The following MCPH1 variants were observed in gnomAD, a reference collection of about 807,000 sequenced individuals.
The protein encoded by MCPH1 is microcephalin.
Under a neutral mutation model 84.5 loss-of-function variants are expected in MCPH1, and 104 were observed. That is an observed-to-expected ratio of 1.23 (90% CI 1.05 to 1.45). The LOEUF (loss-of-function observed/expected upper bound fraction) is 1.45, where lower values mean the gene tolerates loss of function less well. MCPH1 is among the 40% of genes most tolerant of loss of function. The probability of loss-of-function intolerance (pLI) is 0.00; values close to 1 mark genes in which losing one functional copy is unlikely to be tolerated. For synonymous variants in MCPH1, 514 were observed against 366.8 expected, an observed-to-expected ratio of 1.40 and a Z score of -4.58; for missense variants, 1,498 against 1,005.7, an observed-to-expected ratio of 1.49 and a Z score of -6.62.
intron 12 of MCPH1, among the ~76,000 whole-genome samples, chr8:6,581,213 A>C (rs1827540349): frequency 6.6e-6 from 1 of 152,168 alleles, no homozygotes; most frequent in Admixed American, 6.5e-5. Flanking sequence ...TTCATAACCC[A>C]TTTCTGCCTA....
chr8:6,434,479 T>A (rs1251853763), intron 4 of MCPH1, among the ~76,000 whole-genome samples: 1 of 152,232 alleles, frequency 6.6e-6, no homozygotes, highest in Non-Finnish European at 1.5e-5. Context: ...GTGAAAGCAG[T>A]GCAGGCCGGT....
At chr8:6,447,004 G>GC (rs1804491921) in intron 8 of MCPH1, 1 of 54,512 alleles carries the variant, frequency 1.8e-5, no homozygotes, top group African/African-American at 3.9e-5. Flanking sequence ...AGGCCATCAG[G>GC]CAGGGGTGTC....
chr8:6,510,001 T>C (rs1451618323), intron 12 of MCPH1, among the ~76,000 whole-genome samples: 1 of 152,182 alleles, frequency 6.6e-6, no homozygotes, highest in Non-Finnish European at 1.5e-5. Flanking sequence ...TAGTTTCTGC[T>C]GAATGCGTAT....
chr8:6,473,320 CTTTTTTTTTTTT>C (rs56077837), intron 9 of MCPH1, among the ~76,000 whole-genome samples: 3 of 76,396 alleles, frequency 3.9e-5, no homozygotes, highest in African/African-American at 1.6e-4. Context: ...TCTCTCAATC[CTTTTTTTTTTTT>C]TTTTTTTTTT....
chr8:6,468,164 A>G (rs970390678), intron 9 of MCPH1, among the ~76,000 whole-genome samples: 1 of 152,130 alleles, frequency 6.6e-6, no homozygotes, highest in Non-Finnish European at 1.5e-5. Context: ...TGCAGATAAG[A>G]GTGCACCCTG....
chr8:6,425,256 TAG>T (rs1348256722), intron 3 of MCPH1, among the ~76,000 whole-genome samples: 2 of 152,252 alleles, frequency 1.3e-5, no homozygotes, highest in Non-Finnish European at 2.9e-5. Flanking sequence ...GTTCTCTGTT[TAG>T]AGACATCTCT....
chr8:6,467,376 A>G (rs1026303076), intron 9 of MCPH1, among the ~76,000 whole-genome samples: 3 of 152,170 alleles, frequency 2.0e-5, no homozygotes, highest in Non-Finnish European at 2.9e-5. Flanking sequence ...TTTTCATTTT[A>G]AAGTATATTT....
intron 9 of MCPH1, among the ~76,000 whole-genome samples, chr8:6,468,178 G>T (rs1186560197): frequency 6.6e-6 from 1 of 152,204 alleles, no homozygotes; most frequent in East Asian, 1.9e-4. Context: ...CACCCTGCCT[G>T]CACCTCACGG....
chr8:6,517,252 T>C (rs2515432), intron 12 of MCPH1, among the ~76,000 whole-genome samples: 80,383 of 152,010 alleles, frequency 0.53, 22,129 homozygotes, highest in African/African-American at 0.67. Context: ...CACTGGTGCA[T>C]GGTGCAGGAA....
chr8:6,479,121 C>T (rs1808849979), intron 10 of MCPH1, among the ~76,000 whole-genome samples: 2 of 151,994 alleles, frequency 1.3e-5, no homozygotes, highest in Non-Finnish European at 2.9e-5. Context: ...CAAAAGTTAG[C>T]CAGACTTGGT....
intron 13 of MCPH1, among the ~76,000 whole-genome samples, chr8:6,623,801 T>G (rs1367920617): frequency 6.6e-6 from 1 of 151,494 alleles, no homozygotes; most frequent in African/African-American, 2.4e-5. Flanking sequence ...CAAAACATCC[T>G]ATGTTCTGAA....
intron 12 of MCPH1, among the ~76,000 whole-genome samples, chr8:6,505,294 CAT>C (rs1290792850): frequency 8.2e-5 from 3 of 36,792 alleles, no homozygotes; most frequent in Admixed American, 3.4e-4. Flanking sequence ...ATGTTATATA[CAT>C]ATATATGTAT....
At chr8:6,493,527 G>C (rs1157384586) in intron 11 of MCPH1, among the ~76,000 whole-genome samples, 2 of 152,110 alleles carry the variant, frequency 1.3e-5, no homozygotes, top group Non-Finnish European at 1.5e-5. Flanking sequence ...GGTTGAATAG[G>C]CTGTGTTAGA....
intron 12 of MCPH1, chr8:6,513,585 G>A (rs571955053): frequency 4.0e-5 from 39 of 968,950 alleles, no homozygotes; most frequent in East Asian, 2.2e-4. Flanking sequence ...TGCCCACCTC[G>A]GCCTCCCAAA....
At chr8:6,512,014 A>G (rs376545250) in intron 12 of MCPH1, among the ~76,000 whole-genome samples, 9 of 151,832 alleles carry the variant, frequency 5.9e-5, no homozygotes, top group African/African-American at 1.9e-4. Flanking sequence ...AATTCATTGA[A>G]GTTTTGATCT....
chr8:6,555,842 G>A (rs111649785), intron 12 of MCPH1, among the ~76,000 whole-genome samples: 13 of 152,276 alleles, frequency 8.5e-5, no homozygotes, highest in African/African-American at 3.1e-4. Context: ...ATTACAAGGT[G>A]GAATTTCTTA....
At chr8:6,497,992 G>T in intron 11 of MCPH1, among the ~76,000 whole-genome samples, 1 of 152,132 alleles carries the variant, frequency 6.6e-6, no homozygotes, top group East Asian at 1.9e-4. Flanking sequence ...CCTTGAACAG[G>T]AAGTGTCATC....
chr8:6,474,879 A>G (rs1808232494), intron 9 of MCPH1, among the ~76,000 whole-genome samples: 1 of 152,230 alleles, frequency 6.6e-6, no homozygotes, highest in African/African-American at 2.4e-5. Context: ...CTCATAGAAG[A>G]CATGACTATT....
chr8:6,409,199 A>C, intron 1 of MCPH1, 80 bp from the exon 2 acceptor site: 2 of 1,243,264 alleles, frequency 1.6e-6, no homozygotes. Flanking sequence ...TTTACTCTTA[A>C]ATGTAAATAG....
Sources: gnomAD v4.1 joint callset for allele counts (sites outside exome capture counted in the v4.1 genomes callset) on GRCh38, gnomAD v4.1.1 for gene constraint, MANE v1.5 for transcripts, NCBI Gene and HGNC (gene_info 2026-07-23, HGNC 2026-07-21) for gene names.